The following EMC3 variants were observed in gnomAD, a reference collection of about 807,000 sequenced individuals.
The protein encoded by EMC3 is ER membrane protein complex subunit 3.
In EMC3, 13 loss-of-function variants were observed where a neutral mutation model predicts 36.6. That is an observed-to-expected ratio of 0.35 (90% confidence interval 0.23 to 0.56). EMC3 has a LOEUF of 0.56. Among genes scored for constraint, EMC3 ranks in the 20% least tolerant of loss-of-function variants. The pLI is 0.84. For missense variants in EMC3, 220 were observed against 324.5 expected, an observed-to-expected ratio of 0.68 and a Z score of 2.47; for synonymous variants, 120 against 111.9, an observed-to-expected ratio of 1.07 and a Z score of -0.46.
intron 1 of EMC3, chr3:10,004,210 A>T (rs2086237503): frequency 6.6e-6 from 1 of 152,196 alleles, no homozygotes; most frequent in African/African-American, 2.4e-5. Flanking sequence ...AAGCCTCATT[A>T]AAAAACTATT....
chr3:9,987,908 A>G (rs2085997045), upstream of EMC3: 1 of 994,650 alleles, frequency 1.0e-6, no homozygotes, highest in African/African-American at 1.6e-5. Context: ...TTCTGCAGGT[A>G]ATCTCTGAGC....
At chr3:9,971,728 A>G (rs1037233314) in intron 5 of EMC3, among the ~76,000 whole-genome samples, 4 of 152,248 alleles carry the variant, frequency 2.6e-5, no homozygotes, top group Non-Finnish European at 5.9e-5. Flanking sequence ...TATAATGTAC[A>G]GCTTTTCTTC....
At chr3:9,984,726 G>T (rs559009596) in intron 1 of EMC3, among the ~76,000 whole-genome samples, 1 of 152,130 alleles carries the variant, frequency 6.6e-6, no homozygotes, top group Non-Finnish European at 1.5e-5. Context: ...TCCAGGGTGG[G>T]GTGCTGGCTC....
intron 7 of EMC3, chr3:9,968,703 G>A (rs2124900275): frequency 6.6e-6 from 1 of 152,160 alleles, no homozygotes; most frequent in South Asian, 2.1e-4. Flanking sequence ...GGAGTGCAGT[G>A]GCACGATCTT....
At chr3:9,987,974 T>C, upstream of EMC3, 2 of 980,384 alleles carry the variant, frequency 2.0e-6, no homozygotes, top group Non-Finnish European at 1.6e-6. Context: ...TTGCAGGCTT[T>C]CCAAGTAAAG....
At chr3:9,974,540 G>C in intron 3 of EMC3, 52 bp from the exon 4 acceptor site, 7 of 1,256,410 alleles carry the variant, frequency 5.6e-6, no homozygotes, top group Non-Finnish European at 8.1e-6. Flanking sequence ...CTGTTGCCAG[G>C]GACTTTCTCC....
chr3:9,987,771 CTA>C, upstream of EMC3: 1 of 477,980 alleles, frequency 2.1e-6, no homozygotes, highest in South Asian at 2.1e-5. Context: ...TCTCACAACT[CTA>C]TTTTTCAAAA....
At chr3:9,999,335 G>A (rs938741077) in intron 1 of EMC3, among the ~76,000 whole-genome samples, 3 of 151,420 alleles carry the variant, frequency 2.0e-5, no homozygotes, top group African/African-American at 7.3e-5. Context: ...TCTACCTTGC[G>A]GGTTCAGACA....
upstream of EMC3, among the ~76,000 whole-genome samples, chr3:9,990,302 G>C (rs979363836): frequency 6.8e-6 from 1 of 146,258 alleles, no homozygotes. Context: ...TTACAGGTGT[G>C]AGCCACCGTG....
In EMC3 at chr3:9,986,500, C is replaced by T; in HGVS notation, c.155+7G>A. On this transcript the variant is annotated splice_region_variant and intron_variant, in intron 1 of 7. Transcript: ENST00000245046. ...GTGAGGTAGGCTGGAGAAGGGAGGG[C>T]GCTGACCTGTCAGATACTTGTTCCT... 4.3e-6 allele frequency: 7 copies of T among 1,613,540 alleles called. No homozygotes were observed. Among genetic ancestry groups the T allele is most frequent in the Non-Finnish European group, 5.1e-6 (6 of 1,179,776 alleles).
intron 1 of EMC3, chr3:10,005,244 T>TA (rs34563279): frequency 0.33 from 47,821 of 143,084 alleles, 9,086 homozygotes; most frequent in African/African-American, 0.55. Flanking sequence ...TACTGCCACT[T>TA]AAAAAAAAAA....
At chr3:9,984,642 C>T (rs1175420844) in intron 1 of EMC3, among the ~76,000 whole-genome samples, 2 of 152,194 alleles carry the variant, frequency 1.3e-5, no homozygotes, top group African/African-American at 2.4e-5. Context: ...CCGTCCGCCT[C>T]GGCCTCCCAA....
chr3:10,002,718 AAC>A, intron 1 of EMC3: 1 of 408,464 alleles, frequency 2.4e-6, no homozygotes, highest in Non-Finnish European at 4.9e-6. Flanking sequence ...TTTATTTAGT[AAC>A]AGAGTATGCA....
intron 1 of EMC3, chr3:9,994,355 G>A: frequency 5.5e-6 from 4 of 732,812 alleles, no homozygotes; most frequent in Non-Finnish European, 9.5e-6. Context: ...GGCAAGGAGG[G>A]AACAGAGGAA....
chr3:9,985,315 G>A (rs2085958819), intron 1 of EMC3, among the ~76,000 whole-genome samples: 1 of 152,188 alleles, frequency 6.6e-6, no homozygotes, highest in African/African-American at 2.4e-5. Context: ...AAAGTTCTTA[G>A]CCTGAGGCTT....
chr3:9,982,544 G>A (rs1220906864), intron 1 of EMC3, among the ~76,000 whole-genome samples: 6 of 152,042 alleles, frequency 3.9e-5, no homozygotes, highest in African/African-American at 1.2e-4. Context: ...GTGAGCCACC[G>A]TGCCCTGCTG....
chr3:9,988,086 G>A (rs1217420910), upstream of EMC3: 18 of 578,006 alleles, frequency 3.1e-5, no homozygotes, highest in Admixed American at 4.0e-4. Flanking sequence ...AGTCAGAGTT[G>A]GAGCTTAATA....
At chr3:9,977,504 G>C in intron 1 of EMC3, 58 bp from the exon 2 acceptor site, 1 of 1,510,456 alleles carries the variant, frequency 6.6e-7, no homozygotes, top group Non-Finnish European at 9.1e-7. Flanking sequence ...GAAGAAAATG[G>C]GAGAGTCAAG....
intron 3 of EMC3, among the ~76,000 whole-genome samples, chr3:9,975,805 C>A (rs1425310549): frequency 2.4e-4 from 32 of 131,652 alleles, no homozygotes; most frequent in Admixed American, 2.4e-3. Flanking sequence ...GAGCGAGACT[C>A]CTTTCTGAAG....
Sources: allele counts gnomAD v4.1 joint callset (sites outside exome capture counted in the v4.1 genomes callset), GRCh38; gene constraint gnomAD v4.1.1; transcripts MANE v1.5; gene names NCBI Gene and HGNC (gene_info 2026-07-23, HGNC 2026-07-21).